Variants in TEAD1 observed in about 807,000 individuals in gnomAD.
TEAD1 encodes the protein TEA domain transcription factor 1, also known as transcriptional enhancer factor TEF-1.
Under a neutral mutation model 54.9 loss-of-function variants are expected in TEAD1, and 9 were observed. The observed-to-expected ratio is 0.16, with a 90% CI of 0.10 to 0.29. The LOEUF is 0.29. TEAD1 is among the 10% of genes least tolerant of loss of function. The pLI, the probability that TEAD1 is intolerant of heterozygous loss-of-function variation, is 1.00. For missense variants in TEAD1, 387 were observed against 535.9 expected (o/e 0.72, Z 2.74); for synonymous variants, 200 against 187.8 (o/e 1.07, Z -0.53).
chr11:12,716,440 C>G (rs1429136031), intron 2 of TEAD1, among the ~76,000 whole-genome samples: 1 of 152,206 alleles, frequency 6.6e-6, no homozygotes, highest in African/African-American at 2.4e-5. Flanking sequence ...GGACCTGAAC[C>G]TGTGATCAAG....
intron 11 of TEAD1, among the ~76,000 whole-genome samples, chr11:12,925,799 A>T (rs1948895089): frequency 6.6e-6 from 1 of 152,144 alleles, no homozygotes; most frequent in African/African-American, 2.4e-5. Flanking sequence ...GGCATTGTAG[A>T]TAGACGTCAA....
In TEAD1 at chr11:12,935,331, G is replaced by A. The variant is rs369426047; in HGVS notation, c.1168-1778G>A. On this transcript the variant is annotated intron_variant, in intron 12 of 12. Transcript: ENST00000527636. The stretch of plus-strand genomic sequence containing the variant: ...CAAAGAGCACCCACTCCTAGAGGTC[G>A]TATGATATCATATGAGACAATCTGT... 9.9e-5 allele frequency among the ~76,000 whole-genome samples: 15 copies of A among 152,276 alleles called. No individual in the cohort carries two copies. The East Asian group carries it at 2.1e-3, about 22-fold the overall frequency.
intron 9 of TEAD1, among the ~76,000 whole-genome samples, chr11:12,886,169 G>A (rs1179115221): frequency 2.0e-5 from 3 of 152,250 alleles, no homozygotes; most frequent in Non-Finnish European, 4.4e-5. Context: ...GTATGTGGCA[G>A]TATATTAAAT....
chr11:12,812,746 G>T (rs1441885844), intron 3 of TEAD1, among the ~76,000 whole-genome samples: 1 of 152,182 alleles, frequency 6.6e-6, no homozygotes, highest in Non-Finnish European at 1.5e-5. Flanking sequence ...ATCAGGCCAT[G>T]CATCTTCACC....
At position 12,944,146 on chromosome 11, in the gene TEAD1, G is replaced by A. The variant is rs971287541; in HGVS notation, c.*6924G>A. ...GATGTAAGCGTTTCATCTGGTCAGT[G>A]GTTCCTTTGATATTGTACTGCTGCT... On this transcript the variant is annotated 3_prime_UTR_variant, in exon 13 of 13. Coordinates refer to ENST00000527636, the MANE Select transcript of TEAD1 (RefSeq NM_021961.6). 2.0e-5 allele frequency: 3 copies of A among 152,574 alleles called. No homozygotes were observed. Among genetic ancestry groups the A allele is most frequent in the African/African-American group, 7.2e-5 (3 of 41,418 alleles). 9.5% of individuals were successfully genotyped at this position (152,574 alleles called of 1,614,324 possible). A position where few individuals can be genotyped will look rare whatever the true frequency, so the allele number is the denominator to read the frequency against.
intron 5 of TEAD1, among the ~76,000 whole-genome samples, chr11:12,872,814 C>T (rs900240819): frequency 5.3e-5 from 8 of 152,154 alleles, no homozygotes; most frequent in Admixed American, 2.6e-4. Flanking sequence ...TTTCAGGTCC[C>T]GAGCAGAATC....
chr11:12,835,085 A>G (rs1946859457), intron 3 of TEAD1, among the ~76,000 whole-genome samples: 1 of 152,152 alleles, frequency 6.6e-6, no homozygotes, highest in Non-Finnish European at 1.5e-5. Flanking sequence ...GCTTCTTGTT[A>G]TAGCTCAGGA....
chr11:12,889,397 GC>G (rs1194796747), intron 9 of TEAD1, among the ~76,000 whole-genome samples: 3 of 624 alleles, frequency 4.8e-3, no homozygotes, highest in Admixed American at 0.028. Context: ...GGTTCCTCCA[GC>G]CCCCCACCAG....
intron 3 of TEAD1, among the ~76,000 whole-genome samples, chr11:12,796,212 AC>A (rs776533027): frequency 6.6e-6 from 1 of 152,146 alleles, no homozygotes; most frequent in East Asian, 1.9e-4. Flanking sequence ...TTGGGTAGCA[AC>A]CTATTTGTCC....
At chr11:12,866,899 A>G (rs924150444) in intron 5 of TEAD1, among the ~76,000 whole-genome samples, 1 of 152,188 alleles carries the variant, frequency 6.6e-6, no homozygotes, top group Admixed American at 6.5e-5. Flanking sequence ...AATGTAAACT[A>G]GAGGAGCACT....
rs1948777571 is a variant in TEAD1, at chr11:12,920,121, A to G, written c.874-4791A>G. Among the ~76,000 whole-genome samples the G allele has an allele frequency of 3.3e-5, 5 of 152,292 alleles. No individual in the cohort carries two copies. In the South Asian group the frequency reaches 1.0e-3, roughly 32 times the overall value. ...GTTTACAATTTTAAATAACTGAAGT[A>G]GAGTGCTGGTTATTGTTGAAAGTCA... On this transcript the variant is annotated intron_variant, in intron 10 of 12. Transcript: ENST00000527636.
intron 3 of TEAD1, among the ~76,000 whole-genome samples, chr11:12,784,903 G>A (rs1348260681): frequency 6.6e-6 from 1 of 152,230 alleles, no homozygotes; most frequent in Non-Finnish European, 1.5e-5. Flanking sequence ...CGCTTGAGAA[G>A]TGCAGGGTGA....
intron 3 of TEAD1, among the ~76,000 whole-genome samples, chr11:12,827,453 G>A (rs957256599): frequency 2.6e-5 from 4 of 152,218 alleles, no homozygotes; most frequent in African/African-American, 9.6e-5. Context: ...TAGGCTTGGG[G>A]TGGGTGTGTT....
intron 2 of TEAD1, among the ~76,000 whole-genome samples, chr11:12,700,406 C>G (rs1943673959): frequency 6.6e-6 from 1 of 152,182 alleles, no homozygotes; most frequent in Non-Finnish European, 1.5e-5. Context: ...GGAATAGACT[C>G]TTCATTCATT....
At position 12,837,752 on chromosome 11, in the gene TEAD1, CTCT is replaced by C. The variant is rs1382615133; in HGVS notation, c.203-24495_203-24493del. On this transcript the variant is annotated intron_variant, in intron 3 of 12. Transcript: ENST00000527636. ...CTTCTCCTCCTCCTTCTTCTTCCTC[CTCT>C]TCCTCTTCTTCTTCCTTCTCTTCCT... Among the ~76,000 whole-genome samples, 9 of 132,220 alleles carry C rather than the reference CTCT, an allele frequency of 6.8e-5. No homozygotes were observed. The East Asian group carries it at 1.9e-3, about 28-fold the overall frequency. 86.7% of individuals were successfully genotyped at this position (132,220 alleles called of 152,430 possible).
chr11:12,831,404 C>T (rs1176607081), intron 3 of TEAD1, among the ~76,000 whole-genome samples: 2 of 152,106 alleles, frequency 1.3e-5, no homozygotes, highest in Non-Finnish European at 2.9e-5. Flanking sequence ...AGTACATATT[C>T]CCCCCAAACT....
At chr11:12,779,668 G>C (rs916520445) in intron 3 of TEAD1, among the ~76,000 whole-genome samples, 2 of 152,248 alleles carry the variant, frequency 1.3e-5, no homozygotes, top group Admixed American at 6.5e-5. Flanking sequence ...TATGAATATA[G>C]ATATAAAACT....
At chr11:12,916,894 G>T (rs1278331366) in intron 10 of TEAD1, among the ~76,000 whole-genome samples, 1 of 152,188 alleles carries the variant, frequency 6.6e-6, no homozygotes, top group Non-Finnish European at 1.5e-5. Flanking sequence ...AAGGAGGAAA[G>T]GAGAGAAAAC....
chr11:12,708,143 G>A (rs1048328111), intron 2 of TEAD1, among the ~76,000 whole-genome samples: 4 of 151,772 alleles, frequency 2.6e-5, no homozygotes, highest in Admixed American at 6.6e-5. Flanking sequence ...CAGGTGTCTC[G>A]GTGGAAGAAT....
Sources: gnomAD v4.1 joint callset for allele counts (sites outside exome capture counted in the v4.1 genomes callset) on GRCh38, gnomAD v4.1.1 for gene constraint, MANE v1.5 for transcripts, NCBI Gene and HGNC (gene_info 2026-07-23, HGNC 2026-07-21) for gene names.